The following SCAPER variants were observed in gnomAD, a reference collection of about 807,000 sequenced individuals.
SCAPER encodes S-phase cyclin A associated protein in the ER, also known as S phase cyclin A-associated protein in the endoplasmic reticulum.
Under a neutral mutation model 182.2 loss-of-function variants are expected in SCAPER, and 98 were observed. The observed-to-expected ratio is 0.54, with a 90% confidence interval of 0.46 to 0.64. The LOEUF (loss-of-function observed/expected upper bound fraction) is 0.64, where lower values mean the gene tolerates loss of function less well. Among genes scored for constraint, SCAPER ranks in the 30% least tolerant of loss-of-function variants. The pLI is 0.00. For missense variants in SCAPER, 1,432 were observed against 1,690.0 expected, an observed-to-expected ratio of 0.85 and a Z score of 2.68; for synonymous variants, 605 against 564.6, an observed-to-expected ratio of 1.07 and a Z score of -1.01.
Position 76,775,010 on chromosome 15 carries a change from A to C in SCAPER, c.880T>G (p.Ser294Ala). 6.2e-7 allele frequency: 1 copy of C among 1,613,790 alleles called. No homozygotes were observed. The highest frequency in any genetic ancestry group is 8.5e-7 in the Non-Finnish European group (1 of 1,179,772). Residue 294 changes from serine to alanine, a missense_variant, in exon 9 of 32, where the codon TCA becomes GCA. Coordinates refer to ENST00000563290, the MANE Select transcript of SCAPER (RefSeq NM_020843.4). The part of the protein sequence containing the change: ...KVSLATEATR[S>A]KDDSDKENVC... ...TTTTCTTTATCACTGTCATCCTTTG[A>C]TCTTGTGGCTTCTGTTGCCAATGAA...
intron 20 of SCAPER, among the ~76,000 whole-genome samples, chr15:76,677,171 T>G (rs1046231988): frequency 3.2e-4 from 49 of 152,112 alleles, no homozygotes. Flanking sequence ...TGCCTGGATC[T>G]CCTTCCTTCC....
chr15:76,374,718 C>T (rs1276156024), intron 29 of SCAPER, among the ~76,000 whole-genome samples: 1 of 151,692 alleles, frequency 6.6e-6, no homozygotes, highest in South Asian at 2.1e-4. Context: ...AACTCCTGAC[C>T]TCAGGTGATC....
intron 27 of SCAPER, among the ~76,000 whole-genome samples, chr15:76,401,116 TATATGTATATGTATATG>T (rs1165650348): frequency 6.0e-5 from 9 of 149,332 alleles, no homozygotes; most frequent in African/African-American, 1.3e-4. Context: ...AGTTTACACA[TATATGTATATGTATATG>T]ATATGTATAT....
intron 20 of SCAPER, 109 bp downstream of exon 20, chr15:76,701,649 T>C (rs1453175619): frequency 7.5e-6 from 6 of 800,046 alleles, no homozygotes; most frequent in South Asian, 1.7e-5. Flanking sequence ...GTGCTAAATA[T>C]AGTTTTAAAT....
chr15:76,697,275 C>G (rs892064059), intron 20 of SCAPER, among the ~76,000 whole-genome samples: 1 of 152,068 alleles, frequency 6.6e-6, no homozygotes, highest in Non-Finnish European at 1.5e-5. Context: ...AATTCATATG[C>G]TATATTATAC....
chr15:76,358,616 A>T (rs1596288539), intron 29 of SCAPER, among the ~76,000 whole-genome samples: 1 of 152,188 alleles, frequency 6.6e-6, no homozygotes, highest in Admixed American at 6.5e-5. Context: ...CTTTCCTTTT[A>T]TAAGGCCATC....
chr15:76,623,867 T>TA (rs146004517), intron 21 of SCAPER, among the ~76,000 whole-genome samples: 23,706 of 151,932 alleles, frequency 0.16, 2,078 homozygotes, highest in African/African-American at 0.25. Flanking sequence ...CCCTTCATGA[T>TA]AAAAAACCCT....
In SCAPER at chr15:76,434,217, C is replaced by T. The variant is rs748969391; in HGVS notation, c.3172G>A (p.Ala1058Thr). The T allele has an allele frequency of 1.9e-6, 3 of 1,613,944 alleles. No homozygotes were observed. The highest frequency in any genetic ancestry group is 2.5e-6 in the Non-Finnish European group (3 of 1,179,876). Residue 1058 changes from alanine to threonine, a missense_variant, in exon 26 of 32, where the codon GCT (alanine) becomes ACT (threonine). Transcript: ENST00000563290. ...GCAATCAGGCAGCCCAAAACCACAG[C>T]ACTGACTTTGAGAAGTCCAGTTGTC... ...GLTTGLLKVS[A>T]VVLGCLIANR...
chr15:76,564,487 C>T (rs953424249), intron 23 of SCAPER, among the ~76,000 whole-genome samples: 1 of 152,042 alleles, frequency 6.6e-6, no homozygotes, highest in African/African-American at 2.4e-5. Context: ...AGGAGAACTA[C>T]AAACCACTGC....
chr15:76,511,841 A>ATGTGTGTGTGTG (rs755966745), intron 23 of SCAPER, among the ~76,000 whole-genome samples: 9,330 of 103,754 alleles, frequency 0.09, 654 homozygotes, highest in Non-Finnish European at 0.12. Context: ...ATATATATAT[A>ATGTGTGTGTGTG]TATGTGTGTG....
intron 2 of SCAPER, among the ~76,000 whole-genome samples, 185 bp from the exon 3 acceptor site, chr15:76,862,718 T>G (rs944471671): frequency 6.6e-6 from 1 of 152,176 alleles, no homozygotes; most frequent in Admixed American, 6.5e-5. Flanking sequence ...CACTGAGTTT[T>G]GTAACTCTAA....
chr15:76,783,127 G>A (rs2064287371), intron 8 of SCAPER, among the ~76,000 whole-genome samples: 1 of 152,034 alleles, frequency 6.6e-6, no homozygotes, highest in East Asian at 1.9e-4. Context: ...CAAATTGATA[G>A]ACCACTAGCA....
At chr15:76,745,825 A>G (rs1370208891) in intron 15 of SCAPER, among the ~76,000 whole-genome samples, 1 of 152,260 alleles carries the variant, frequency 6.6e-6, no homozygotes, top group Admixed American at 6.5e-5. Flanking sequence ...TACTAAAGTA[A>G]TAAGTACAGT....
At chr15:76,842,817 T>C (rs1283319106) in intron 4 of SCAPER, among the ~76,000 whole-genome samples, 1 of 152,216 alleles carries the variant, frequency 6.6e-6, no homozygotes, top group Non-Finnish European at 1.5e-5. Context: ...GGAGACCATC[T>C]TCTAATTACA....
At chr15:76,848,326 T>G (rs967425406) in intron 4 of SCAPER, among the ~76,000 whole-genome samples, 8 of 82,998 alleles carry the variant, frequency 9.6e-5, no homozygotes, top group African/African-American at 8.5e-4. Flanking sequence ...TTTTGGGGTT[T>G]TTTTTTTTTT....
intron 2 of SCAPER, among the ~76,000 whole-genome samples, chr15:76,864,133 A>G (rs1238655259): frequency 6.6e-6 from 1 of 152,196 alleles, no homozygotes; most frequent in Non-Finnish European, 1.5e-5. Context: ...GCACCCTAAC[A>G]CACAATATAC....
At chr15:76,558,531 C>T (rs567737129) in intron 23 of SCAPER, among the ~76,000 whole-genome samples, 2 of 152,254 alleles carry the variant, frequency 1.3e-5, no homozygotes, top group Non-Finnish European at 2.9e-5. Flanking sequence ...TGAACAGATG[C>T]TGGTGAAGTT....
Position 76,873,323 on chromosome 15 carries a change from AAGGAAGGAAGGCAGGCAGGCAGGCAGGC to A in SCAPER, c.6+10461_6+10488del, listed in dbSNP as rs1412247155. Among the ~76,000 whole-genome samples the A allele has an allele frequency of 6.4e-3, 800 of 124,958 alleles. 3 individuals are homozygous for A. Among genetic ancestry groups the A allele is most frequent in the Middle Eastern group, 0.019 (5 of 268 alleles). 82.0% of individuals were successfully genotyped at this position (124,958 alleles called of 152,430 possible). On this transcript the variant is annotated intron_variant, in intron 2 of 31. Coordinates refer to ENST00000563290, the MANE Select transcript of SCAPER (RefSeq NM_020843.4). ...GAAGGAAGGAAGGAAGGAAGGAAGG[AAGGAAGGAAGGCAGGCAGGCAGGCAGGC>A]AGGCAGGCAGGCAGGCAGGCAGGCA...
chr15:76,683,432 TG>T (rs1353646609), intron 20 of SCAPER, among the ~76,000 whole-genome samples: 2 of 152,066 alleles, frequency 1.3e-5, no homozygotes, highest in Non-Finnish European at 2.9e-5. Flanking sequence ...AATGATGCCA[TG>T]GCATCCCTGA....
Sources: gnomAD v4.1 joint callset for allele counts (sites outside exome capture counted in the v4.1 genomes callset) on GRCh38, gnomAD v4.1.1 for gene constraint, MANE v1.5 for transcripts, NCBI Gene and HGNC (gene_info 2026-07-23, HGNC 2026-07-21) for gene names.